The following SNTB1 variants were observed in gnomAD, a reference collection of about 807,000 sequenced individuals.
The protein encoded by SNTB1 is syntrophin beta 1, also known as beta-1-syntrophin.
Under a neutral mutation model 48.9 loss-of-function variants are expected in SNTB1, and 36 were observed. The ratio of observed to expected loss-of-function variants is 0.74; its 90% confidence interval spans 0.56 to 0.97. The LOEUF (loss-of-function observed/expected upper bound fraction) is 0.97. SNTB1 is among the 50% of genes least tolerant of loss of function. SNTB1 has a pLI of 0.00. For synonymous variants in SNTB1, 299 were observed against 294.6 expected, an observed-to-expected ratio of 1.01 and a Z score of -0.15; for missense variants, 786 against 703.4, an observed-to-expected ratio of 1.12 and a Z score of -1.33.
At chr8:120,608,759 G>A (rs891581342) in intron 3 of SNTB1, among the ~76,000 whole-genome samples, 5 of 152,084 alleles carry the variant, frequency 3.3e-5, no homozygotes, top group Non-Finnish European at 1.5e-5. Flanking sequence ...AACACATTTT[G>A]GAAGAAAGAA....
At chr8:120,704,226 G>T (rs1669215389) in intron 1 of SNTB1, among the ~76,000 whole-genome samples, 2 of 152,194 alleles carry the variant, frequency 1.3e-5, no homozygotes, top group African/African-American at 4.8e-5. Flanking sequence ...TGAGGTGGGA[G>T]AATTGCTTGA....
intron 2 of SNTB1, among the ~76,000 whole-genome samples, chr8:120,692,118 C>T (rs961737615): frequency 5.3e-5 from 8 of 152,108 alleles, no homozygotes; most frequent in African/African-American, 1.9e-4. Context: ...CTGGCCAATC[C>T]CTGTACAGAA....
intron 1 of SNTB1, among the ~76,000 whole-genome samples, chr8:120,770,337 C>T (rs1232773747): frequency 6.6e-6 from 1 of 151,774 alleles, no homozygotes; most frequent in Non-Finnish European, 1.5e-5. Context: ...CTTGGCTTCA[C>T]ATTCCCTACA....
At chr8:120,543,883 C>T (rs1238190629) in intron 5 of SNTB1, among the ~76,000 whole-genome samples, 2 of 152,132 alleles carry the variant, frequency 1.3e-5, no homozygotes, top group Non-Finnish European at 2.9e-5. Context: ...TCCGCCAGCC[C>T]TCCCATTCAA....
At chr8:120,628,739 G>C (rs765427989) in intron 3 of SNTB1, among the ~76,000 whole-genome samples, 3 of 151,920 alleles carry the variant, frequency 2.0e-5, no homozygotes, top group Non-Finnish European at 4.4e-5. Context: ...CTGGGAGACA[G>C]AGCGAGACTC....
intron 3 of SNTB1, among the ~76,000 whole-genome samples, chr8:120,585,647 T>C (rs1255342383): frequency 1.3e-5 from 2 of 152,236 alleles, no homozygotes; most frequent in Non-Finnish European, 2.9e-5. Flanking sequence ...GGCTAGTAAA[T>C]GAAACATAGT....
At chr8:120,795,884 C>T (rs1047538677) in intron 1 of SNTB1, among the ~76,000 whole-genome samples, 2 of 151,970 alleles carry the variant, frequency 1.3e-5, no homozygotes, top group African/African-American at 4.8e-5. Flanking sequence ...TCCCTATGTG[C>T]ATGAATGTTT....
At chr8:120,642,190 G>A (rs1019960116) in intron 2 of SNTB1, among the ~76,000 whole-genome samples, 1 of 152,132 alleles carries the variant, frequency 6.6e-6, no homozygotes, top group African/African-American at 2.4e-5. Flanking sequence ...TGGCTGAGAG[G>A]GACATGGAAT....
intron 2 of SNTB1, among the ~76,000 whole-genome samples, chr8:120,667,685 A>G (rs991384240): frequency 6.6e-6 from 1 of 152,132 alleles, no homozygotes; most frequent in Admixed American, 6.5e-5. Context: ...GGTGCCAAAC[A>G]TTGTGAATTT....
At chr8:120,544,683 T>TC (rs1361155355) in intron 5 of SNTB1, among the ~76,000 whole-genome samples, 1 of 151,844 alleles carries the variant, frequency 6.6e-6, no homozygotes, top group Non-Finnish European at 1.5e-5. Flanking sequence ...CCTACAACAC[T>TC]CCCCAAATGG....
chr8:120,584,306 G>A (rs922488236), intron 3 of SNTB1, among the ~76,000 whole-genome samples: 9 of 152,016 alleles, frequency 5.9e-5, no homozygotes, highest in African/African-American at 2.2e-4. Context: ...GTTGGGCCTG[G>A]TGGTGGGTGC....
chr8:120,611,723 G>A (rs1816626410), intron 3 of SNTB1, among the ~76,000 whole-genome samples: 1 of 150,272 alleles, frequency 6.7e-6, no homozygotes, highest in Admixed American at 6.7e-5. Context: ...TCGGGAGGCT[G>A]AGGCAGGAGA....
At chr8:120,563,138 C>T (rs1815690586) in intron 4 of SNTB1, among the ~76,000 whole-genome samples, 2 of 152,102 alleles carry the variant, frequency 1.3e-5, no homozygotes, top group South Asian at 4.1e-4. Context: ...GCCACTGGGA[C>T]TGGGTATGCA....
chr8:120,770,476 A>G lies in SNTB1; in HGVS notation c.571+40797T>C, dbSNP rs143195477. ...CAGAAATTTGGTCTCCAATGTTAAA[A>G]AGGAGAATATAAATATGGTTTGAGA... is the stretch of plus-strand genomic sequence containing the variant. On this transcript the variant is annotated intron_variant, in intron 1 of 6. Coordinates refer to ENST00000517992, the MANE Select transcript of SNTB1 (RefSeq NM_021021.4). Among the ~76,000 whole-genome samples the G allele has an allele frequency of 2.1e-3, 313 of 152,204 alleles. 1 individual carries two copies. Among genetic ancestry groups the G allele is most frequent in the African/African-American group, 7.2e-3 (301 of 41,518 alleles).
At chr8:120,694,601 A>C (rs142816854) in intron 1 of SNTB1, among the ~76,000 whole-genome samples, 3,357 of 151,316 alleles carry the variant, frequency 0.022, 76 homozygotes, top group African/African-American at 0.065. Context: ...CTCTCTCTCT[A>C]TATATATAGA....
At chr8:120,579,961 G>A (rs1435676454) in intron 3 of SNTB1, among the ~76,000 whole-genome samples, 3 of 152,204 alleles carry the variant, frequency 2.0e-5, no homozygotes, top group South Asian at 4.1e-4. Context: ...AGATCTGAGT[G>A]AGCTTGGGCA....
chr8:120,772,191 C>T (rs1201888109), intron 1 of SNTB1, among the ~76,000 whole-genome samples: 1 of 151,804 alleles, frequency 6.6e-6, no homozygotes, highest in South Asian at 2.1e-4. Context: ...TATCTGTCCT[C>T]TCCAGAACCC....
intron 1 of SNTB1, among the ~76,000 whole-genome samples, chr8:120,738,074 T>G (rs1287336133): frequency 6.6e-6 from 1 of 152,048 alleles, no homozygotes. Flanking sequence ...GACTAGGTCA[T>G]AAGGACCTCA....
chr8:120,536,931 T>C lies in SNTB1; in HGVS notation c.*1946A>G, dbSNP rs951948907. On this transcript the variant is annotated 3_prime_UTR_variant, in exon 7 of 7. Coordinates refer to ENST00000517992, the MANE Select transcript of SNTB1 (RefSeq NM_021021.4). ...TTAACTATTGGCATTAATATATGTA[T>C]TTTAATATGTTATTTACAATACACA... The C allele has an allele frequency of 5.7e-5, 8 of 140,484 alleles. No homozygotes were observed. The highest frequency in any genetic ancestry group is 1.9e-4 in the African/African-American group (8 of 41,050). The allele number at this position is 140,484 out of a possible 1,614,324, so 8.7% of individuals were successfully genotyped here. A position where few individuals can be genotyped will look rare whatever the true frequency, so the allele number is the denominator to read the frequency against.
Sources: allele counts gnomAD v4.1 joint callset (sites outside exome capture counted in the v4.1 genomes callset), GRCh38; gene constraint gnomAD v4.1.1; transcripts MANE v1.5; gene names NCBI Gene and HGNC (gene_info 2026-07-23, HGNC 2026-07-21).